Variants in SLC9A7 observed in about 807,000 individuals in gnomAD.
The protein encoded by SLC9A7 is solute carrier family 9 member A7, also known as sodium/hydrogen exchanger 7.
SLC9A7 carries 19 observed loss-of-function variants against 52.6 expected under a neutral mutation model. The observed-to-expected ratio is 0.36, with a 90% CI of 0.25 to 0.53. SLC9A7 has a LOEUF of 0.53. SLC9A7 is among the 20% of genes least tolerant of loss of function. The pLI, the probability that SLC9A7 is intolerant of heterozygous loss-of-function variation, is 0.91. For missense variants in SLC9A7, 455 were observed against 597.9 expected, an observed-to-expected ratio of 0.76 and a Z score of 2.49; for synonymous variants, 226 against 252.1, an observed-to-expected ratio of 0.90 and a Z score of 0.98.
chrX:46,656,433 G>A (rs1469886576), intron 7 of SLC9A7, among the ~76,000 whole-genome samples: 2 of 112,835 alleles, frequency 1.8e-5, no homozygotes. Flanking sequence ...TGAGCTACGG[G>A]AGGACATTCA....
intron 1 of SLC9A7, among the ~76,000 whole-genome samples, chrX:46,729,451 G>A (rs937333007): frequency 6.3e-5 from 7 of 111,955 alleles, no homozygotes; most frequent in African/African-American, 2.3e-4. Flanking sequence ...GAACTCACAT[G>A]CAATCTAGCA....
At chrX:46,607,934 T>C (rs1296357457) in intron 16 of SLC9A7, among the ~76,000 whole-genome samples, 1 of 112,626 alleles carries the variant, frequency 8.9e-6, no homozygotes, top group Non-Finnish European at 1.9e-5. Context: ...CACTGAGGCC[T>C]ATTGAGTACT....
intron 3 of SLC9A7, among the ~76,000 whole-genome samples, chrX:46,678,849 A>G (rs975532014): frequency 8.9e-6 from 1 of 111,824 alleles, no homozygotes; most frequent in Non-Finnish European, 1.9e-5. Context: ...TACATCTTAC[A>G]TAACTATGGT....
At chrX:46,665,979 C>T (rs759000708) in intron 5 of SLC9A7, among the ~76,000 whole-genome samples, 2 of 112,304 alleles carry the variant, frequency 1.8e-5, no homozygotes, top group Admixed American at 9.5e-5. Flanking sequence ...CACTATCCCA[C>T]ATATATTATG....
At position 46,682,544 on chromosome X, in the gene SLC9A7, G is replaced by C. The variant is rs746480600; in HGVS notation, c.326-9C>G. 1 of 1,202,974 alleles carries C rather than the reference G, an allele frequency of 8.3e-7. No individual in the cohort carries two copies. Among genetic ancestry groups the C allele is most frequent in the Non-Finnish European group, 1.1e-6 (1 of 889,387 alleles). The stretch of plus-strand genomic sequence containing the variant: ...CACCCCAACGATGAGCCCTGAAAGA[G>C]TGGAAAAAAACTCATCAGGCCTGAG... On this transcript the variant is annotated splice_polypyrimidine_tract_variant and intron_variant, in intron 1 of 16. Transcript: ENST00000616978.
At chrX:46,657,479 A>G (rs369700989) in intron 7 of SLC9A7, among the ~76,000 whole-genome samples, 1 of 110,075 alleles carries the variant, frequency 9.1e-6, no homozygotes, top group African/African-American at 3.3e-5. Context: ...AGGAAACCCA[A>G]CTCACGTGCA....
Position 46,672,625 on chromosome X carries a change from T to G in SLC9A7, c.606A>C (p.Arg202Ser). Residue 202 changes from arginine (R) to serine (S), a missense_variant and splice_region_variant, in exon 4 of 17, where the codon AGA (arginine) becomes AGC (serine). Around this residue, in one of 3 missense-constraint regions of SLC9A7, gnomAD observed 304 missense variants for 417.8 expected, o/e 0.73. Transcript: ENST00000616978. Reference protein sequence around the residue: ...IFHAGYSLKKRHFFRNLGSIL... With the variant: ...IFHAGYSLKKSHFFRNLGSIL... ...TAGATCCAAGATTTCTGAAAAAGTGTCTCTGAATAAAACAAACAAACAAAA... is the reference window on the plus strand; with the variant it reads ...TAGATCCAAGATTTCTGAAAAAGTGGCTCTGAATAAAACAAACAAACAAAA... The G allele has an allele frequency of 8.4e-7, 1 of 1,187,764 alleles. No homozygotes were observed. The highest frequency in any genetic ancestry group is 1.1e-6 in the Non-Finnish European group (1 of 876,080).
At chrX:46,675,073 G>A (rs1944094196) in intron 3 of SLC9A7, among the ~76,000 whole-genome samples, 1 of 55,674 alleles carries the variant, frequency 1.8e-5, no homozygotes, top group Non-Finnish European at 2.7e-5. Flanking sequence ...GTGTGTGTGT[G>A]TGTGTGTGTG....
At chrX:46,700,693 G>A (rs762228817) in intron 1 of SLC9A7, among the ~76,000 whole-genome samples, 2 of 111,986 alleles carry the variant, frequency 1.8e-5, no homozygotes, top group South Asian at 7.3e-4. Context: ...TCTTTAAGCC[G>A]CCTAGTCTAT....
chrX:46,663,402 G>A (rs1336294174), intron 5 of SLC9A7, among the ~76,000 whole-genome samples: 1 of 109,886 alleles, frequency 9.1e-6, no homozygotes, highest in Non-Finnish European at 1.9e-5. Flanking sequence ...ACTTTGGGAG[G>A]CCGAGGCGGG....
In SLC9A7 at chrX:46,599,388, G is replaced by A. The variant is rs1457981415; in HGVS notation, c.*7564C>T. On this transcript the variant is annotated 3_prime_UTR_variant, in exon 17 of 17. Transcript: ENST00000616978. ...CACCCAGAAAAGAACCTCTCAGTGA[G>A]GGAAACAGACTAAGAATAGTATCAC... 8.9e-6 allele frequency: 1 copy of A among 112,166 alleles called. No homozygotes were observed. Among genetic ancestry groups the A allele is most frequent in the East Asian group, 2.8e-4 (1 of 3,614 alleles). The allele number at this position is 112,166 out of a possible 1,213,427, so 9.2% of individuals were successfully genotyped here.
At chrX:46,757,653 T>C (rs984480961) in intron 1 of SLC9A7, among the ~76,000 whole-genome samples, 2 of 111,771 alleles carry the variant, frequency 1.8e-5, no homozygotes, top group South Asian at 7.5e-4. Context: ...GCTCGTCTAT[T>C]TCGTGTGAGG....
chrX:46,712,606 T>G (rs1183220426), intron 1 of SLC9A7, among the ~76,000 whole-genome samples: 3 of 112,151 alleles, frequency 2.7e-5, no homozygotes, highest in African/African-American at 9.7e-5. Flanking sequence ...TTACTCACGT[T>G]GAAACATAAA....
rs150686192 is a variant in SLC9A7 at position 46,669,011 on chromosome X, C to T, written c.793+596G>A. ...TGAAACCCTGTCTCTACTAAAAATA[C>T]AAAAAAATTAGCCAGGCGTGGTGGC... On this transcript the variant is annotated intron_variant, in intron 5 of 16. Transcript: ENST00000616978. 3.5e-3 allele frequency among the ~76,000 whole-genome samples: 385 copies of T among 108,801 alleles called. 3 individuals carry two copies. Among genetic ancestry groups the T allele is most frequent in the African/African-American group, 0.012 (374 of 29,946 alleles). 94.5% of individuals were successfully genotyped at this position (108,801 alleles called of 115,157 possible).
chrX:46,725,196 A>G, intron 1 of SLC9A7: 2 of 922,583 alleles, frequency 2.2e-6, no homozygotes, highest in Admixed American at 4.4e-5. Context: ...AAATTCATCC[A>G]CCAGAACTCC....
At chrX:46,657,716 C>G (rs1259248175) in intron 7 of SLC9A7, among the ~76,000 whole-genome samples, 1 of 111,399 alleles carries the variant, frequency 9.0e-6, no homozygotes, top group East Asian at 2.8e-4. Flanking sequence ...CACCCAGATT[C>G]ATAAAGCAAG....
chrX:46,741,040 AAATGT>A (rs1425068019), intron 1 of SLC9A7, among the ~76,000 whole-genome samples: 1 of 112,337 alleles, frequency 8.9e-6, no homozygotes, highest in African/African-American at 3.2e-5. Context: ...AAATAATATC[AAATGT>A]AATACCATCA....
intron 1 of SLC9A7, among the ~76,000 whole-genome samples, chrX:46,717,655 C>T (rs1944790475): frequency 8.9e-6 from 1 of 111,826 alleles, no homozygotes; most frequent in East Asian, 2.8e-4. Flanking sequence ...GCTAGGATTA[C>T]AGGTGTGAGC....
chrX:46,690,695 T>G (rs1199756063), intron 1 of SLC9A7, among the ~76,000 whole-genome samples: 1 of 111,981 alleles, frequency 8.9e-6, no homozygotes, highest in Non-Finnish European at 1.9e-5. Flanking sequence ...TAACCCAAAG[T>G]TATGAATATT....
Sources: allele counts gnomAD v4.1 joint callset (sites outside exome capture counted in the v4.1 genomes callset), GRCh38; gene constraint gnomAD v4.1.1; regional missense constraint gnomAD v4.1.1; transcripts MANE v1.5; gene names NCBI Gene and HGNC (gene_info 2026-07-23, HGNC 2026-07-21).